PTPRR: variants seen among roughly 807,000 people sequenced by gnomAD.
PTPRR encodes the protein protein tyrosine phosphatase receptor type R.
In PTPRR, 38 loss-of-function variants were observed where a neutral mutation model predicts 77.2. That is an observed-to-expected ratio of 0.49 (90% CI 0.38 to 0.65). The LOEUF is 0.65. Ranked by LOEUF, PTPRR falls within the 30% of genes least tolerant of loss-of-function variation. PTPRR has a pLI of 0.00. For missense variants in PTPRR, 744 were observed against 799.2 expected (o/e 0.93, Z 0.83); for synonymous variants, 299 against 283.1 (o/e 1.06, Z -0.57).
At chr12:70,903,559 C>T (rs992793528) in intron 1 of PTPRR, among the ~76,000 whole-genome samples, 2 of 151,732 alleles carry the variant, frequency 1.3e-5, no homozygotes, top group African/African-American at 4.8e-5. Flanking sequence ...TTTACCTAAA[C>T]TTCACACTTT....
chr12:70,865,655 T>C (rs191779017), intron 2 of PTPRR, among the ~76,000 whole-genome samples: 8 of 152,302 alleles, frequency 5.3e-5, no homozygotes, highest in African/African-American at 1.9e-4. Context: ...AACTCAAAGT[T>C]TTCTAATATA....
chr12:70,690,374 T>G lies in PTPRR; in HGVS notation c.1280-5591A>C, dbSNP rs544753779. Among the ~76,000 whole-genome samples the G allele has an allele frequency of 2.9e-4, 44 of 152,320 alleles. No homozygotes were observed. In the South Asian group the frequency reaches 8.9e-3, roughly 31 times the overall value. ...TAATAGAATAGGTACATCCCAAACA[T>G]CTGGGGTTTGTATATATTCAGAAGT... On this transcript the variant is annotated intron_variant, in intron 8 of 13. Coordinates refer to ENST00000283228, the MANE Select transcript of PTPRR (RefSeq NM_002849.4).
chr12:70,827,103 A>G (rs1592779822), intron 2 of PTPRR, among the ~76,000 whole-genome samples: 1 of 152,172 alleles, frequency 6.6e-6, no homozygotes, highest in African/African-American at 2.4e-5. Flanking sequence ...CTCCCCAGAT[A>G]CTTTCTTGGG....
intron 12 of PTPRR, among the ~76,000 whole-genome samples, chr12:70,657,305 G>T (rs1462432759): frequency 6.6e-6 from 1 of 152,142 alleles, no homozygotes; most frequent in Non-Finnish European, 1.5e-5. Context: ...TTTTGCCTTG[G>T]ACATACTGAT....
At chr12:70,800,377 C>A (rs1298760611) in intron 2 of PTPRR, among the ~76,000 whole-genome samples, 1 of 151,404 alleles carries the variant, frequency 6.6e-6, no homozygotes, top group Non-Finnish European at 1.5e-5. Flanking sequence ...ACACATTAGG[C>A]CAGTGAGTAG....
In PTPRR at chr12:70,639,086, T is replaced by C; in HGVS notation, c.*98A>G. ...TGCCATACATGGGCTTCAGAGCTTC[T>C]CCTTCCTTCCATTGCAGGAAGCTCC... On this transcript the variant is annotated 3_prime_UTR_variant, in exon 14 of 14. Transcript: ENST00000283228. The C allele has an allele frequency of 1.0e-6, 1 of 993,378 alleles. No individual in the cohort carries two copies. Among genetic ancestry groups the C allele is most frequent in the Non-Finnish European group, 1.5e-6 (1 of 652,794 alleles). 61.5% of individuals were successfully genotyped at this position (993,378 alleles called of 1,614,324 possible).
chr12:70,801,978 G>T (rs1487639586), intron 2 of PTPRR, among the ~76,000 whole-genome samples: 2 of 152,094 alleles, frequency 1.3e-5, no homozygotes, highest in African/African-American at 4.8e-5. Context: ...ATGGTGCAGG[G>T]GTGTCGCAGA....
chr12:70,760,231 A>G (rs1467301039), intron 4 of PTPRR, among the ~76,000 whole-genome samples: 1 of 152,216 alleles, frequency 6.6e-6, no homozygotes, highest in Non-Finnish European at 1.5e-5. Flanking sequence ...TGAAGAAACT[A>G]AGGCTCAGGG....
chr12:70,843,740 ATTG>A (rs934223661), intron 2 of PTPRR, among the ~76,000 whole-genome samples: 4 of 150,642 alleles, frequency 2.7e-5, no homozygotes, highest in South Asian at 2.1e-4. Context: ...CCAAAAGTGG[ATTG>A]TTGTTATTTC....
intron 13 of PTPRR, among the ~76,000 whole-genome samples, chr12:70,641,968 C>T (rs1368615284): frequency 6.6e-6 from 1 of 152,164 alleles, no homozygotes; most frequent in Non-Finnish European, 1.5e-5. Context: ...TATTTCTGTA[C>T]AGCCTGGTTT....
chr12:70,850,723 C>T (rs1892558336), intron 2 of PTPRR, among the ~76,000 whole-genome samples: 3 of 152,140 alleles, frequency 2.0e-5, no homozygotes, highest in South Asian at 4.1e-4. Context: ...TTGGGGAATA[C>T]GAAATTGATG....
intron 2 of PTPRR, among the ~76,000 whole-genome samples, chr12:70,817,231 A>G (rs1487839738): frequency 6.6e-6 from 1 of 152,218 alleles, no homozygotes; most frequent in Non-Finnish European, 1.5e-5. Context: ...AAAAGTTTTA[A>G]AAGTTACTTA....
intron 6 of PTPRR, among the ~76,000 whole-genome samples, chr12:70,708,829 C>A (rs959234521): frequency 2.6e-5 from 4 of 151,806 alleles, no homozygotes; most frequent in African/African-American, 9.7e-5. Context: ...CACACACACA[C>A]ACACACACAC....
chr12:70,911,448 G>A (rs1427169377), intron 1 of PTPRR, among the ~76,000 whole-genome samples: 1 of 152,184 alleles, frequency 6.6e-6, no homozygotes, highest in African/African-American at 2.4e-5. Flanking sequence ...TGCCTGCTAA[G>A]CAAGGCAGTG....
intron 6 of PTPRR, among the ~76,000 whole-genome samples, chr12:70,732,685 C>T (rs534995776): frequency 6.6e-6 from 1 of 152,252 alleles, no homozygotes; most frequent in African/African-American, 2.4e-5. Flanking sequence ...CTCAGCCTCC[C>T]AAGTAGCTGG....
At chr12:70,740,964 T>A (rs73341053) in intron 6 of PTPRR, among the ~76,000 whole-genome samples, 4,602 of 152,290 alleles carry the variant, frequency 0.03, 93 homozygotes, top group East Asian at 0.068. Flanking sequence ...CATGGAACAC[T>A]GTACATTCTT....
intron 2 of PTPRR, among the ~76,000 whole-genome samples, chr12:70,779,796 G>A (rs1161237848): frequency 1.3e-5 from 2 of 152,086 alleles, no homozygotes; most frequent in African/African-American, 4.8e-5. Flanking sequence ...CTTGGAAAGG[G>A]TAACAAACCC....
intron 2 of PTPRR, among the ~76,000 whole-genome samples, chr12:70,888,754 A>C (rs1216479506): frequency 6.6e-6 from 1 of 152,164 alleles, no homozygotes; most frequent in Non-Finnish European, 1.5e-5. Context: ...CACCAAGAGC[A>C]AGTCACTTAG....
chr12:70,651,127 G>A (rs78461149), intron 13 of PTPRR, among the ~76,000 whole-genome samples: 4,799 of 152,290 alleles, frequency 0.032, 100 homozygotes, highest in Non-Finnish European at 0.046. Context: ...CAAGCCATGA[G>A]CTTATCTAAC....
Sources: allele counts gnomAD v4.1 joint callset (sites outside exome capture counted in the v4.1 genomes callset), GRCh38; gene constraint gnomAD v4.1.1; transcripts MANE v1.5; gene names NCBI Gene and HGNC (gene_info 2026-07-23, HGNC 2026-07-21).